The following PCDHA8 variants were observed in gnomAD, a reference collection of about 807,000 sequenced individuals.
The protein encoded by PCDHA8 is protocadherin alpha 8, also known as protocadherin alpha-8.
Under a neutral mutation model 61.8 loss-of-function variants are expected in PCDHA8, and 53 were observed. The ratio of observed to expected loss-of-function variants is 0.86; its 90% CI spans 0.69 to 1.08. The LOEUF (loss-of-function observed/expected upper bound fraction) is 1.08. Ranked by LOEUF, PCDHA8 falls within the 50% of genes least tolerant of loss-of-function variation. PCDHA8 has a pLI of 0.00. For missense variants in PCDHA8, 1,293 were observed against 1,245.0 expected (o/e 1.04, Z -0.58); for synonymous variants, 618 against 556.6 (o/e 1.11, Z -1.55).
intron 3 of PCDHA8, among the ~76,000 whole-genome samples, chr5:140,987,372 A>G (rs1357478474): frequency 6.6e-6 from 1 of 152,204 alleles, no homozygotes; most frequent in Non-Finnish European, 1.5e-5. Flanking sequence ...ATATCATTAC[A>G]GGGTCAGAAT....
Position 140,842,210 on chromosome 5 carries a change from C to T in PCDHA8, c.889C>T (p.Arg297Ter), listed in dbSNP as rs2150331831. ...GGTTATTGACCACTTTAGCATAGAT[C>T]GAAATACGGGAGAAATAGTGATTCG... is the stretch of plus-strand genomic sequence containing the variant. The part of the protein sequence containing the change: ...TMVIDHFSID[R>*]NTGEIVIRGN... The change falls in exon 1 of 4, where the codon CGA (arginine) becomes TGA (stop). Residue 297 changes from arginine to a stop codon, truncating the protein, a stop_gained. Transcript: ENST00000531613. LOFTEE classifies it high-confidence loss of function. 73 of 1,613,414 alleles carry T rather than the reference C, an allele frequency of 4.5e-5. 2 individuals are homozygous for T. The South Asian group carries it at 7.8e-4, about 17-fold the overall frequency.
chr5:140,851,571 A>C (rs1036529099), intron 1 of PCDHA8: 1 of 908,760 alleles, frequency 1.1e-6, no homozygotes, highest in Admixed American at 6.3e-5. Context: ...TTTTGTCTAC[A>C]CTTAGAACAT....
chr5:140,872,662 A>G (rs1554166315), intron 1 of PCDHA8, among the ~76,000 whole-genome samples: 2 of 152,132 alleles, frequency 1.3e-5, no homozygotes, highest in Admixed American at 1.3e-4. Context: ...TTTGTCAACT[A>G]TTGGATACTC....
intron 1 of PCDHA8, chr5:140,850,217 C>T (rs2150473800): frequency 1.1e-5 from 17 of 1,593,592 alleles, no homozygotes; most frequent in Non-Finnish European, 1.5e-5. Flanking sequence ...GGGGCACTGA[C>T]GGCGCAGTGA....
chr5:140,955,284 T>C (rs1207930664), intron 1 of PCDHA8, among the ~76,000 whole-genome samples: 1 of 152,170 alleles, frequency 6.6e-6, no homozygotes, highest in African/African-American at 2.4e-5. Context: ...CATATTGATA[T>C]GGTTTGGCTG....
chr5:140,991,503 T>C (rs975448423), intron 3 of PCDHA8, among the ~76,000 whole-genome samples: 6 of 152,246 alleles, frequency 3.9e-5, no homozygotes, highest in Non-Finnish European at 7.3e-5. Context: ...TGAGTTTCAC[T>C]GGCTAAAATC....
chr5:140,967,727 G>A, intron 1 of PCDHA8: 1 of 1,614,148 alleles, frequency 6.2e-7, no homozygotes. Context: ...GCGAGTAATT[G>A]GGGGGCTGGA....
At chr5:140,871,303 G>A (rs1562661921) in intron 1 of PCDHA8, 1 of 1,613,854 alleles carries the variant, frequency 6.2e-7, no homozygotes, top group Non-Finnish European at 8.5e-7. Flanking sequence ...GTGCGCGCCG[G>A]GGAAGCCCAC....
chr5:140,967,460 G>C, intron 1 of PCDHA8: 1 of 1,613,538 alleles, frequency 6.2e-7, no homozygotes, highest in African/African-American at 1.3e-5. Context: ...AGCCGTGGAT[G>C]GGGGCATCCC....
chr5:140,857,735 G>A (rs782288464), intron 1 of PCDHA8: 1 of 1,597,334 alleles, frequency 6.3e-7, no homozygotes. Context: ...CAACGCTCCC[G>A]CGCTGCTGGC....
At chr5:140,960,728 A>G (rs200453950) in intron 1 of PCDHA8, among the ~76,000 whole-genome samples, 1 of 30,214 alleles carries the variant, frequency 3.3e-5, no homozygotes, top group African/African-American at 2.6e-4. Flanking sequence ...ATTTTAGTCC[A>G]TGATTTTAGT....
chr5:140,968,307 A>G (rs1554230602), intron 1 of PCDHA8: 1 of 1,613,964 alleles, frequency 6.2e-7, no homozygotes, highest in South Asian at 1.1e-5. Context: ...AGGGAGATTC[A>G]AGGGCTGCCA....
At chr5:140,946,540 T>G (rs1182532418) in intron 1 of PCDHA8, among the ~76,000 whole-genome samples, 1 of 150,344 alleles carries the variant, frequency 6.7e-6, no homozygotes, top group African/African-American at 2.5e-5. Context: ...CATTGCAGCA[T>G]TATTCATGAT....
intron 1 of PCDHA8, chr5:140,876,238 C>G (rs782170059): frequency 2.5e-6 from 4 of 1,613,896 alleles, no homozygotes; most frequent in Non-Finnish European, 3.4e-6. Context: ...TGAAAATGTC[C>G]AAAACGACAC....
chr5:140,995,434 A>G (rs146744164), intron 3 of PCDHA8, among the ~76,000 whole-genome samples: 4 of 152,320 alleles, frequency 2.6e-5, no homozygotes, highest in African/African-American at 7.2e-5. Context: ...ACAGCTTGCA[A>G]TTTAAAACTT....
intron 3 of PCDHA8, among the ~76,000 whole-genome samples, chr5:141,001,278 C>A (rs182360019): frequency 6.6e-6 from 1 of 152,050 alleles, no homozygotes; most frequent in Non-Finnish European, 1.5e-5. Flanking sequence ...ACTTTTTTTA[C>A]GGATGAAAAC....
rs1277596666 is a variant in PCDHA8 at position 140,856,532 on chromosome 5, G to A, written c.2394+12817G>A. ...AGAAGGCGCATCTGATGCGGATGTT[G>A]GAGAGAACGCATTGCTTACTTACAA... On this transcript the variant is annotated intron_variant, in intron 1 of 3. Transcript: ENST00000531613. The A allele has an allele frequency of 1.9e-6, 3 of 1,598,248 alleles. 1 individual carries two copies. The highest frequency in any genetic ancestry group is 2.6e-6 in the Non-Finnish European group (3 of 1,167,844).
At chr5:140,869,682 A>AGG in intron 1 of PCDHA8, 3 of 1,613,466 alleles carry the variant, frequency 1.9e-6, no homozygotes, top group Non-Finnish European at 2.5e-6. Context: ...AAAGACTGTC[A>AGG]CTTATTTTAA....
At chr5:140,968,539 C>T (rs781815829) in intron 1 of PCDHA8, 30 of 1,614,078 alleles carry the variant, frequency 1.9e-5, no homozygotes, top group East Asian at 6.7e-5. Context: ...CAGCAGCCTT[C>T]GAGATGGTGC....
Sources: allele counts gnomAD v4.1 joint callset (sites outside exome capture counted in the v4.1 genomes callset), GRCh38; gene constraint gnomAD v4.1.1; transcripts MANE v1.5; gene names NCBI Gene and HGNC (gene_info 2026-07-23, HGNC 2026-07-21).